TNK2: variants seen among roughly 807,000 people sequenced by gnomAD.
TNK2 encodes tyrosine kinase non receptor 2.
A neutral mutation model predicts 101.8 loss-of-function variants in TNK2; 83 were observed. The observed-to-expected ratio is 0.82, with a 90% CI of 0.68 to 0.98. The LOEUF (loss-of-function observed/expected upper bound fraction) is 0.98, where lower values mean the gene tolerates loss of function less well. TNK2 is among the 50% of genes least tolerant of loss of function. The probability of loss-of-function intolerance (pLI) is 0.00; values close to 1 mark genes in which losing one functional copy is unlikely to be tolerated. For synonymous variants in TNK2, 804 were observed against 633.0 expected (o/e 1.27, Z -4.06); for missense variants, 1,665 against 1,483.2 (o/e 1.12, Z -2.01).
chr3:195,899,100 T>C (rs1760949645), intron 1 of TNK2, among the ~76,000 whole-genome samples: 1 of 152,068 alleles, frequency 6.6e-6, no homozygotes, highest in Non-Finnish European at 1.5e-5. Context: ...TCTCAATAAA[T>C]AAATAATAAA....
intron 10 of TNK2, 108 bp from the exon 11 acceptor site, chr3:195,870,313 C>G: frequency 6.5e-7 from 1 of 1,546,080 alleles, no homozygotes; most frequent in Non-Finnish European, 8.7e-7. Flanking sequence ...AGTCTTGGGT[C>G]TGAAGCACAG....
Position 195,867,693 on chromosome 3 carries a change from C to T in TNK2, c.2605G>A (p.Val869Ile), listed in dbSNP as rs991055441. The T allele has an allele frequency of 5.0e-6, 8 of 1,608,964 alleles. No homozygotes were observed. The highest frequency in any genetic ancestry group is 4.0e-5 in the African/African-American group (3 of 74,932). Residue 869 changes from valine to isoleucine, a missense_variant, in exon 13 of 16, where the codon GTC (valine) becomes ATC (isoleucine). Val to Ile is a conservative substitution (Grantham distance 29, BLOSUM62 3). Coordinates refer to ENST00000672887, the MANE Select transcript of TNK2 (RefSeq NM_001382273.1). Reference protein sequence around the residue: ...ILPIVRDGKKVSSTHYYLLPE... With the variant: ...ILPIVRDGKKISSTHYYLLPE... The stretch of plus-strand genomic sequence containing the variant: ...AGCAAGTAATAGTGGGTGCTGCTGA[C>T]CTTCTTGCCATCCCGGACGATGGGC...
chr3:195,872,854 A>AC (rs1746391794), intron 9 of TNK2: 3 of 200,446 alleles, frequency 1.5e-5, no homozygotes, highest in African/African-American at 7.1e-5. Context: ...CCTCCTCCTC[A>AC]CCCCTCAGTT....
intron 12 of TNK2, 177 bp downstream of exon 12, chr3:195,869,320 G>C (rs530304730): frequency 2.6e-5 from 18 of 685,266 alleles, no homozygotes; most frequent in Non-Finnish European, 3.8e-5. Context: ...CCCAGGCTCC[G>C]GGGGGCGGGC....
chr3:195,868,787 A>G, intron 12 of TNK2, 78 bp from the exon 13 acceptor site: 5 of 1,437,262 alleles, frequency 3.5e-6, no homozygotes, highest in Non-Finnish European at 4.6e-6. Context: ...CACGTGGGAG[A>G]GAAAGCCAAG....
In TNK2 at chr3:195,878,936, G is replaced by A. The variant is rs1750937114; in HGVS notation, c.1014+113C>T. The stretch of plus-strand genomic sequence containing the variant: ...GCACGGGAAGTGGGGGGAGGCACGG[G>A]GCGTGGGAGGAGGGAGTCCATTGGT... On this transcript the variant is annotated intron_variant, in intron 7 of 15. Coordinates refer to ENST00000672887, the MANE Select transcript of TNK2 (RefSeq NM_001382273.1). The surrounding 1 kb of genome is among the most constrained non-coding windows in gnomAD (Gnocchi z 4.7). The A allele has an allele frequency of 2.0e-6, 3 of 1,507,016 alleles. No individual in the cohort carries two copies. Among genetic ancestry groups the A allele is most frequent in the Non-Finnish European group, 2.7e-6 (3 of 1,114,978 alleles). 93.4% of individuals were successfully genotyped at this position (1,507,016 alleles called of 1,614,324 possible). A position where few individuals can be genotyped will look rare whatever the true frequency, so the allele number is the denominator to read the frequency against.
At chr3:195,875,657 CCT>C (rs34134349) in intron 9 of TNK2, among the ~76,000 whole-genome samples, 68,857 of 134,348 alleles carry the variant, frequency 0.51, 18,606 homozygotes, top group African/African-American at 0.78. Context: ...CTGTCCGCGC[CCT>C]CTCTCTCCCG....
At chr3:195,876,565 C>T in intron 9 of TNK2, 1 of 456,822 alleles carries the variant, frequency 2.2e-6, no homozygotes, top group Non-Finnish European at 4.4e-6. Flanking sequence ...CAGGCCCGCT[C>T]CCAAGCCTCA....
chr3:195,873,862 C>G (rs527596757), intron 9 of TNK2, among the ~76,000 whole-genome samples: 2 of 152,334 alleles, frequency 1.3e-5, no homozygotes, highest in South Asian at 4.1e-4. Flanking sequence ...GCTGTGCTCC[C>G]CCTGCCCAGC....
Position 195,878,731 on chromosome 3 carries a change from G to T in TNK2, c.1015-139C>A. 1 of 1,322,008 alleles carries T rather than the reference G, an allele frequency of 7.6e-7. No homozygotes were observed. Among genetic ancestry groups the T allele is most frequent in the Non-Finnish European group, 1.0e-6 (1 of 980,112 alleles). 81.9% of individuals were successfully genotyped at this position (1,322,008 alleles called of 1,614,324 possible). ...AAAGAAGGGATCTGCCTGCCTGGGAGGGGCCCTCTCCAGAGCCCCAGTCCC... is the reference window on the plus strand; with the variant it reads ...AAAGAAGGGATCTGCCTGCCTGGGATGGGCCCTCTCCAGAGCCCCAGTCCC... On this transcript the variant is annotated intron_variant, in intron 7 of 15. Transcript: ENST00000672887. This position sits in a 1 kb window ranked among gnomAD's most constrained non-coding sequence, Gnocchi z 4.7.
rs577589616 is a variant in TNK2, at chr3:195,888,090, A to C, written c.163+336T>G. On this transcript the variant is annotated intron_variant, in intron 2 of 15. Coordinates refer to ENST00000672887, the MANE Select transcript of TNK2 (RefSeq NM_001382273.1). This position sits in a 1 kb window ranked among gnomAD's most constrained non-coding sequence, Gnocchi z 5.3. ...TCTCCCTACAGATCTCTGCACATGG[A>C]CCCCCCGGTAGTCAGAATGATGAGA... Among the ~76,000 whole-genome samples, 1 of 151,572 alleles carries C rather than the reference A, an allele frequency of 6.6e-6. No homozygotes were observed. Among genetic ancestry groups the C allele is most frequent in the South Asian group, 2.1e-4 (1 of 4,798 alleles).
chr3:195,895,491 T>C, intron 1 of TNK2: 1 of 1,358,994 alleles, frequency 7.4e-7, no homozygotes, highest in Non-Finnish European at 9.4e-7. Context: ...GGCCGGGTGG[T>C]CGCGCCCCTC....
At chr3:195,867,061 G>C (rs543757178) in intron 14 of TNK2, 45 bp from the exon 15 acceptor site, 6 of 1,610,392 alleles carry the variant, frequency 3.7e-6, no homozygotes, top group Non-Finnish European at 5.1e-6. Context: ...CCAGGGCACC[G>C]ACTAGGGTGG....
Position 195,879,039 on chromosome 3 carries a change from C to T in TNK2, c.1014+10G>A, listed in dbSNP as rs745821696. ...ACCAGCCCTATGGGGGCCCGTCTCC[C>T]AGCCCTCACCTGACTGCCGTTGAGG... is the stretch of plus-strand genomic sequence containing the variant. On this transcript the variant is annotated intron_variant, in intron 7 of 15. Transcript: ENST00000672887. 2.5e-6 allele frequency: 4 copies of T among 1,612,718 alleles called. No individual in the cohort carries two copies. Among genetic ancestry groups the T allele is most frequent in the African/African-American group, 1.3e-5 (1 of 75,040 alleles).
In TNK2 at chr3:195,867,357, TC is replaced by T; in HGVS notation, c.2937+3del. 6.2e-7 allele frequency: 1 copy of T among 1,607,742 alleles called. No homozygotes were observed. The highest frequency in any genetic ancestry group is 8.5e-7 in the Non-Finnish European group (1 of 1,177,816). On this transcript the variant is annotated splice_donor_region_variant and intron_variant, in intron 13 of 15. Transcript: ENST00000672887. ...CTTCGCCCACAGCCAGGCTGGGTGCTCACCATCTGGATCTTGTCTGCTGGCC... is the reference window on the plus strand; with the variant it reads ...CTTCGCCCACAGCCAGGCTGGGTGCTACCATCTGGATCTTGTCTGCTGGCC...
chr3:195,869,612 G>C (rs895340680), intron 11 of TNK2, 71 bp from the exon 12 acceptor site: 8 of 1,430,990 alleles, frequency 5.6e-6, no homozygotes, highest in East Asian at 2.5e-5. Context: ...GGAGACGGCC[G>C]GACGAGAGGG....
At position 195,867,417 on chromosome 3, in the gene TNK2, T is replaced by A. The variant is rs1344798371; in HGVS notation, c.2881A>T (p.Arg961Trp). Reference sequence around the variant, plus strand: ...TCTGGCCCATCGCCAGGGCAGCCCCTCTGTGGCAGCCGAGCAGTGGCCCTC... The same window carrying A: ...TCTGGCCCATCGCCAGGGCAGCCCCACTGTGGCAGCCGAGCAGTGGCCCTC... ...PPRATARLPQ[R>W]GCPGDGPEAG... The change falls in exon 13 of 16, where the codon AGG (arginine) becomes TGG (tryptophan). Residue 961 changes from arginine (R) to tryptophan (W), a missense_variant. By Grantham distance (101) the Arg-to-Trp change is moderately radical. This residue lies in a region of TNK2 where 1,136 missense variants were observed against 894.9 expected (regional missense o/e 1.27). Transcript: ENST00000672887. 1.7e-5 allele frequency: 28 copies of A among 1,602,624 alleles called. No homozygotes were observed. The highest frequency in any genetic ancestry group is 2.2e-5 in the Non-Finnish European group (26 of 1,178,092).
intron 4 of TNK2, 58 bp downstream of exon 4, chr3:195,884,754 C>T: frequency 6.7e-7 from 1 of 1,495,080 alleles, no homozygotes; most frequent in Non-Finnish European, 9.1e-7. Context: ...GGCAGAAGAG[C>T]CACTACCAGC....
Position 195,886,841 on chromosome 3 carries a change from G to A in TNK2, c.234+136C>T, listed in dbSNP as rs1755830707. 3 of 920,948 alleles carry A rather than the reference G, an allele frequency of 3.3e-6. No individual in the cohort carries two copies. Among genetic ancestry groups the A allele is most frequent in the Non-Finnish European group, 3.6e-6 (2 of 561,166 alleles). 57.0% of individuals were successfully genotyped at this position (920,948 alleles called of 1,614,324 possible). A position where few individuals can be genotyped will look rare whatever the true frequency, so the allele number is the denominator to read the frequency against. On this transcript the variant is annotated intron_variant, in intron 3 of 15. Coordinates refer to ENST00000672887, the MANE Select transcript of TNK2 (RefSeq NM_001382273.1). This position sits in a 1 kb window ranked among gnomAD's most constrained non-coding sequence, Gnocchi z 4.2. Reference sequence around the variant, plus strand: ...CCTGCCCGATAAGACCCTGGACGAGGGGGTCCTGTACAAAGTGCCGGCAGA... The same window carrying A: ...CCTGCCCGATAAGACCCTGGACGAGAGGGTCCTGTACAAAGTGCCGGCAGA...
Sources: allele counts gnomAD v4.1 joint callset (sites outside exome capture counted in the v4.1 genomes callset), GRCh38; gene constraint gnomAD v4.1.1; regional missense constraint gnomAD v4.1.1; non-coding constraint Gnocchi (gnomAD v3.1); transcripts MANE v1.5; gene names NCBI Gene and HGNC (gene_info 2026-07-23, HGNC 2026-07-21).